ERBB4: variants seen among roughly 807,000 people sequenced by gnomAD.
ERBB4 encodes the protein receptor tyrosine-protein kinase erbB-4.
Under a neutral mutation model 158.0 loss-of-function variants are expected in ERBB4, and 42 were observed. That is an observed-to-expected ratio of 0.27 (90% CI 0.21 to 0.34). ERBB4 has a LOEUF of 0.34. Among genes scored for constraint, ERBB4 ranks in the 10% least tolerant of loss-of-function variants. ERBB4 has a pLI of 1.00. For missense variants in ERBB4, 1,333 were observed against 1,624.1 expected, an observed-to-expected ratio of 0.82 and a Z score of 3.08; for synonymous variants, 583 against 558.7, an observed-to-expected ratio of 1.04 and a Z score of -0.61.
At chr2:211,564,958 C>T (rs1184770669) in intron 19 of ERBB4, among the ~76,000 whole-genome samples, 2 of 151,956 alleles carry the variant, frequency 1.3e-5, no homozygotes, top group African/African-American at 4.8e-5. Context: ...ACATAGAAAA[C>T]TAAGCTAAAG....
At position 211,387,929 on chromosome 2, in the gene ERBB4, AT is replaced by A; in HGVS notation, c.3183+15del. On this transcript the variant is annotated intron_variant, in intron 26 of 27. Transcript: ENST00000342788. Reference sequence around the variant, plus strand: ...CGAAAATCCTAAAAGATGAAGGTTGATTGTGAAATACTTACTCCTGACATGG... The same window carrying A: ...CGAAAATCCTAAAAGATGAAGGTTGATGTGAAATACTTACTCCTGACATGG... The A allele has an allele frequency of 6.3e-7, 1 of 1,591,574 alleles. No individual in the cohort carries two copies. Among genetic ancestry groups the A allele is most frequent in the Non-Finnish European group, 8.6e-7 (1 of 1,159,508 alleles).
At chr2:212,303,981 C>G (rs2086716283) in intron 1 of ERBB4, among the ~76,000 whole-genome samples, 1 of 151,538 alleles carries the variant, frequency 6.6e-6, no homozygotes, top group Non-Finnish European at 1.5e-5. Flanking sequence ...TTTTTCAACT[C>G]AAGAAGTAGA....
chr2:212,417,927 G>C (rs1297439482), intron 1 of ERBB4, among the ~76,000 whole-genome samples: 1 of 151,928 alleles, frequency 6.6e-6, no homozygotes, highest in East Asian at 1.9e-4. Flanking sequence ...AAATAATTAG[G>C]TTTAGATGCA....
At chr2:211,478,630 A>C (rs2065012849) in intron 20 of ERBB4, among the ~76,000 whole-genome samples, 1 of 152,028 alleles carries the variant, frequency 6.6e-6, no homozygotes, top group Admixed American at 6.6e-5. Flanking sequence ...AAGCAAATAA[A>C]ACACCACTTG....
At position 212,507,697 on chromosome 2, in the gene ERBB4, T is replaced by G. The variant is rs113743225; in HGVS notation, c.82+30752A>C. On this transcript the variant is annotated intron_variant, in intron 1 of 27. Transcript: ENST00000342788. ...TGACTGAATTGCTGCAATCTCATGA[T>G]CAAATGAACAGATGAGGAATTGCTT... Among the ~76,000 whole-genome samples the G allele has an allele frequency of 1.5e-3, 229 of 152,304 alleles. 2 individuals are homozygous for G. Among genetic ancestry groups the G allele is most frequent in the Middle Eastern group, 6.8e-3 (2 of 294 alleles).
intron 1 of ERBB4, among the ~76,000 whole-genome samples, chr2:212,475,684 T>G (rs537843922): frequency 6.6e-6 from 1 of 152,256 alleles, no homozygotes; most frequent in South Asian, 2.1e-4. Context: ...AAACACACAA[T>G]TATGTGTTAT....
chr2:212,366,984 G>A (rs1166090312), intron 1 of ERBB4, among the ~76,000 whole-genome samples: 1 of 151,900 alleles, frequency 6.6e-6, no homozygotes, highest in African/African-American at 2.4e-5. Flanking sequence ...TGAATACAGG[G>A]CTTTTCAGGA....
intron 19 of ERBB4, among the ~76,000 whole-genome samples, chr2:211,577,544 T>C (rs2067927937): frequency 6.6e-6 from 1 of 152,172 alleles, no homozygotes; most frequent in South Asian, 2.1e-4. Context: ...CTGATGAACA[T>C]AGATGAAAAA....
At chr2:211,709,294 T>TATATATATAC (rs2073597232) in intron 9 of ERBB4, among the ~76,000 whole-genome samples, 2 of 139,768 alleles carry the variant, frequency 1.4e-5, no homozygotes, top group African/African-American at 5.9e-5. Context: ...TATATATACA[T>TATATATATAC]ATATATATAT....
At chr2:211,875,044 A>AAAAAAAAAAAAAAC (rs2078460408) in intron 3 of ERBB4, among the ~76,000 whole-genome samples, 2 of 113,968 alleles carry the variant, frequency 1.8e-5, no homozygotes, top group African/African-American at 5.5e-5. Context: ...AAAAAAAAAA[A>AAAAAAAAAAAAAAC]AAAAAACAAA....
intron 1 of ERBB4, among the ~76,000 whole-genome samples, chr2:212,436,719 C>G (rs1043760108): frequency 1.3e-5 from 2 of 152,026 alleles, no homozygotes; most frequent in Non-Finnish European, 2.9e-5. Flanking sequence ...CAAAATAAAA[C>G]TCAAACTATA....
chr2:212,129,618 GA>G (rs1374946907), intron 1 of ERBB4, among the ~76,000 whole-genome samples: 1 of 151,688 alleles, frequency 6.6e-6, no homozygotes, highest in East Asian at 1.9e-4. Context: ...CTCGTACTCA[GA>G]AAATGGCCCT....
intron 20 of ERBB4, among the ~76,000 whole-genome samples, chr2:211,444,808 C>T (rs768328019): frequency 7.9e-5 from 12 of 151,892 alleles, no homozygotes; most frequent in Non-Finnish European, 1.5e-4. Flanking sequence ...TGTTCATTGT[C>T]TGCTGTGAGA....
At chr2:212,425,444 A>G (rs979148626) in intron 1 of ERBB4, among the ~76,000 whole-genome samples, 1 of 150,224 alleles carries the variant, frequency 6.7e-6, no homozygotes, top group African/African-American at 2.4e-5. Context: ...ATATATTTAT[A>G]CAATAATCAG....
intron 2 of ERBB4, among the ~76,000 whole-genome samples, chr2:211,975,677 T>A (rs1396823314): frequency 6.6e-6 from 1 of 152,194 alleles, no homozygotes; most frequent in Non-Finnish European, 1.5e-5. Flanking sequence ...TAGAATGTCT[T>A]ACCTGAGAAT....
chr2:212,040,079 T>C (rs954918649), intron 2 of ERBB4, among the ~76,000 whole-genome samples: 1 of 151,976 alleles, frequency 6.6e-6, no homozygotes, highest in Admixed American at 6.6e-5. Context: ...TCATAAAATA[T>C]GGAAGTAGAC....
chr2:212,396,992 T>C (rs2091047227), intron 1 of ERBB4, among the ~76,000 whole-genome samples: 1 of 152,214 alleles, frequency 6.6e-6, no homozygotes, highest in African/African-American at 2.4e-5. Context: ...TTATTCCATT[T>C]TAATGACTGT....
At chr2:211,873,655 T>C (rs1428575068) in intron 3 of ERBB4, among the ~76,000 whole-genome samples, 13 of 150,832 alleles carry the variant, frequency 8.6e-5, no homozygotes, top group African/African-American at 3.2e-4. Context: ...GCTAATTCCA[T>C]TGTGTAACTG....
At chr2:211,605,585 T>C (rs987094790) in intron 19 of ERBB4, among the ~76,000 whole-genome samples, 2 of 152,082 alleles carry the variant, frequency 1.3e-5, no homozygotes, top group Non-Finnish European at 1.5e-5. Flanking sequence ...AAGTGTGTCA[T>C]CCTGAAGGTA....
Sources: gnomAD v4.1 joint callset for allele counts (sites outside exome capture counted in the v4.1 genomes callset) on GRCh38, gnomAD v4.1.1 for gene constraint, MANE v1.5 for transcripts, NCBI Gene and HGNC (gene_info 2026-07-23, HGNC 2026-07-21) for gene names.